Variants in POLR3A observed in about 807,000 individuals in gnomAD.
POLR3A encodes the protein RNA polymerase III subunit A, also known as DNA-directed RNA polymerase III subunit RPC1.
A neutral mutation model predicts 152.8 loss-of-function variants in POLR3A; 112 were observed. The observed-to-expected ratio is 0.73, with a 90% CI of 0.63 to 0.86. The LOEUF is 0.86. Ranked by LOEUF, POLR3A falls within the 40% of genes least tolerant of loss-of-function variation. The probability of loss-of-function intolerance (pLI) is 0.00; values close to 1 mark genes in which losing one functional copy is unlikely to be tolerated. For synonymous variants in POLR3A, 615 were observed against 652.1 expected (o/e 0.94, Z 0.87); for missense variants, 1,385 against 1,743.1 (o/e 0.79, Z 3.66).
At chr10:78,011,555 G>GGA (rs1847466710) in intron 11 of POLR3A, among the ~76,000 whole-genome samples, 1 of 152,058 alleles carries the variant, frequency 6.6e-6, no homozygotes, top group Non-Finnish European at 1.5e-5. Context: ...TCCAAAGCAG[G>GGA]GACCCTTCAA....
intron 27 of POLR3A, 25 bp downstream of exon 27, chr10:77,982,628 C>T (rs756610978): frequency 1.5e-5 from 24 of 1,609,644 alleles, no homozygotes; most frequent in Middle Eastern, 4.3e-4. Context: ...TGCTGGGTCT[C>T]CATGAGAAGC....
chr10:77,988,663 A>G (rs1847219957), intron 21 of POLR3A, among the ~76,000 whole-genome samples: 1 of 152,228 alleles, frequency 6.6e-6, no homozygotes. Context: ...AAAGCTGTAG[A>G]GGGCAGTGGG....
intron 21 of POLR3A, among the ~76,000 whole-genome samples, chr10:77,989,434 G>T (rs1209026429): frequency 1.3e-5 from 2 of 152,202 alleles, no homozygotes; most frequent in Non-Finnish European, 2.9e-5. Flanking sequence ...CAGCAAATCT[G>T]AGCTCATCGG....
chr10:78,022,266 A>C lies in POLR3A; in HGVS notation c.764T>G (p.Leu255Arg). The change falls in exon 6 of 31, where the codon CTT (leucine) becomes CGT (arginine). Residue 255 changes from leucine (L) to arginine (R), a missense_variant. This residue lies in a region of POLR3A where 493 missense variants were observed against 647.5 expected (regional missense o/e 0.76). Transcript: ENST00000372371. ...TCTGATACACAAAGGAGGCACCAAA[A>C]GTCGTGTGAGAATCAAATCAGACGG... ...GKPSDLILTR[L>R]LVPPLCIRPS... is the part of the protein sequence containing the mutation. 1 of 1,614,262 alleles carries C rather than the reference A, an allele frequency of 6.2e-7. No homozygotes were observed. Among genetic ancestry groups the C allele is most frequent in the East Asian group, 2.2e-5 (1 of 44,890 alleles).
chr10:78,004,599 C>G, intron 16 of POLR3A, 117 bp downstream of exon 16: 1 of 815,910 alleles, frequency 1.2e-6, no homozygotes, highest in South Asian at 1.5e-5. Context: ...GACGCCAATG[C>G]CTTGACTTGC....
rs1208364630 is a variant in POLR3A at position 78,004,848 on chromosome 10, A to C, written c.2115T>G (p.Pro705=). Residue 705 remains proline, a synonymous_variant, in exon 16 of 31, where the codon CCT becomes CCG. Coordinates refer to ENST00000372371, the MANE Select transcript of POLR3A (RefSeq NM_007055.4). ...GFSIGIGDVT[P]GQGLLKAKYE... Reference sequence around the variant, plus strand: ...ACTTGGCCTTCAGCAGTCCTTGGCCAGGTGTGACATCACCGATCCCAATTG... The same window carrying C: ...ACTTGGCCTTCAGCAGTCCTTGGCCCGGTGTGACATCACCGATCCCAATTG... 6.2e-7 allele frequency: 1 copy of C among 1,614,062 alleles called. No individual in the cohort carries two copies. The highest frequency in any genetic ancestry group is 1.7e-5 in the Admixed American group (1 of 60,008).
chr10:78,022,060 C>T, intron 6 of POLR3A, 38 bp from the exon 7 acceptor site: 1 of 1,614,082 alleles, frequency 6.2e-7, no homozygotes, highest in Non-Finnish European at 8.5e-7. Flanking sequence ...CAAACCTGGT[C>T]AGTTTGATTT....
chr10:78,023,328 C>T (rs1488520603), intron 5 of POLR3A, among the ~76,000 whole-genome samples: 2 of 151,902 alleles, frequency 1.3e-5, no homozygotes, highest in Non-Finnish European at 2.9e-5. Context: ...GGCATGGTGG[C>T]GGGCACTTGT....
intron 1 of POLR3A, among the ~76,000 whole-genome samples, chr10:78,027,513 G>T (rs941145396): frequency 2.6e-5 from 4 of 151,936 alleles, no homozygotes; most frequent in African/African-American, 9.7e-5. Flanking sequence ...CAAAAAATTT[G>T]CTAGGCGTGA....
In POLR3A at chr10:77,977,453, A is replaced by G. The variant is rs1440586994; in HGVS notation, c.*25T>C. The G allele has an allele frequency of 6.2e-7, 1 of 1,612,778 alleles. No homozygotes were observed. The highest frequency in any genetic ancestry group is 1.7e-5 in the Admixed American group (1 of 60,024). On this transcript the variant is annotated 3_prime_UTR_variant, in exon 31 of 31. Coordinates refer to ENST00000372371, the MANE Select transcript of POLR3A (RefSeq NM_007055.4). ...GGAGACAGGACAAGGAGTCAAGGTC[A>G]GGCATGGTCCCCTCTTTCTTTGGAC...
Position 78,020,573 on chromosome 10 carries a change from G to T in POLR3A, c.1185+973C>A, listed in dbSNP as rs188212429. ...GGAGGCCAAGGCGGGCGGATCACGA[G>T]GTCAGGAGATCGAGACGATCCTGGC... On this transcript the variant is annotated intron_variant, in intron 8 of 30. Coordinates refer to ENST00000372371, the MANE Select transcript of POLR3A (RefSeq NM_007055.4). 3.4e-3 allele frequency among the ~76,000 whole-genome samples: 515 copies of T among 151,998 alleles called. 1 individual carries two copies. Among genetic ancestry groups the T allele is most frequent in the African/African-American group, 0.012 (486 of 41,454 alleles).
intron 23 of POLR3A, 107 bp from the exon 24 acceptor site, chr10:77,985,447 C>T: frequency 2.3e-6 from 2 of 887,300 alleles, no homozygotes; most frequent in Non-Finnish European, 3.8e-6. Context: ...AATATAGATG[C>T]TATTAGGGTC....
At position 78,013,975 on chromosome 10, in the gene POLR3A, G is replaced by A. The variant is rs187460765; in HGVS notation, c.1432-185C>T. The stretch of plus-strand genomic sequence containing the variant: ...GACTCATTCCCAGTCTGGCCAACAT[G>A]GTGAAACCCCATCTCTACTAAAAAT... On this transcript the variant is annotated intron_variant, in intron 10 of 30. Transcript: ENST00000372371. Among the ~76,000 whole-genome samples, 508 of 152,136 alleles carry A rather than the reference G, an allele frequency of 3.3e-3. 4 individuals carry two copies. The highest frequency in any genetic ancestry group is 0.012 in the African/African-American group (484 of 41,514).
intron 10 of POLR3A, among the ~76,000 whole-genome samples, chr10:78,014,815 C>A (rs533029857): frequency 6.6e-6 from 1 of 152,282 alleles, no homozygotes; most frequent in South Asian, 2.1e-4. Flanking sequence ...ATTTACACAG[C>A]CTTTGCTTTA....
chr10:78,029,441 G>T lies in POLR3A; in HGVS notation c.-34C>A. 1 of 1,612,006 alleles carries T rather than the reference G, an allele frequency of 6.2e-7. No homozygotes were observed. The highest frequency in any genetic ancestry group is 8.5e-7 in the Non-Finnish European group (1 of 1,178,470). ...CTGCCGGGACGCCTCCTTGGCACTCGGGAGGCCAGATTAGAGAAACGATGC... is the reference window on the plus strand; with the variant it reads ...CTGCCGGGACGCCTCCTTGGCACTCTGGAGGCCAGATTAGAGAAACGATGC... On this transcript the variant is annotated 5_prime_UTR_variant, in exon 1 of 31. Coordinates refer to ENST00000372371, the MANE Select transcript of POLR3A (RefSeq NM_007055.4).
Position 78,000,088 on chromosome 10 carries a change from T to C in POLR3A, c.2509A>G (p.Ser837Gly). The C allele has an allele frequency of 1.9e-6, 3 of 1,614,112 alleles. No individual in the cohort carries two copies. Among genetic ancestry groups the C allele is most frequent in the Non-Finnish European group, 2.5e-6 (3 of 1,180,004 alleles). Residue 837 changes from serine (S) to glycine (G), a missense_variant, in exon 19 of 31, where the codon AGC becomes GGC. By Grantham distance (56) the Ser-to-Gly change is moderately conservative. This residue lies in a region of POLR3A where 170 missense variants were observed against 231.2 expected (regional missense o/e 0.74). Transcript: ENST00000372371. The part of the protein sequence containing the change: ...LPAAKGFVAN[S>G]FYSGLTPTEF... ...GTTGGTGTCAAACCGGAATAAAAGC[T>C]ATTAGCCACAAAGCCTTTGGCAGCT...
intron 21 of POLR3A, among the ~76,000 whole-genome samples, chr10:77,987,829 G>T (rs1430020087): frequency 2.0e-5 from 3 of 152,190 alleles, no homozygotes; most frequent in Admixed American, 2.0e-4. Flanking sequence ...GCCAGCTGCT[G>T]CCCAGCTTGG....
chr10:78,013,366 TAC>T, intron 11 of POLR3A: 1 of 447,632 alleles, frequency 2.2e-6, no homozygotes, highest in Non-Finnish European at 4.1e-6. Context: ...CCCTCATGTA[TAC>T]ATTTTCTCCC....
intron 17 of POLR3A, 88 bp downstream of exon 17, chr10:78,002,109 G>T: frequency 2.8e-6 from 2 of 718,526 alleles, no homozygotes; most frequent in South Asian, 1.7e-5. Context: ...TGAAATGTCT[G>T]TTTGGAGCTG....
Sources: gnomAD v4.1 joint callset for allele counts (sites outside exome capture counted in the v4.1 genomes callset) on GRCh38, gnomAD v4.1.1 for gene constraint, gnomAD v4.1.1 regional missense constraint, MANE v1.5 for transcripts, NCBI Gene and HGNC (gene_info 2026-07-23, HGNC 2026-07-21) for gene names.